The following FAF2 variants were observed in gnomAD, a reference collection of about 807,000 sequenced individuals.
FAF2 encodes Fas associated factor family member 2.
In FAF2, 9 loss-of-function variants were observed where a neutral mutation model predicts 62.3. The ratio of observed to expected loss-of-function variants is 0.14; its 90% CI spans 0.09 to 0.25. FAF2 has a LOEUF of 0.25. FAF2 is among the 10% of genes least tolerant of loss of function. The pLI, the probability that FAF2 is intolerant of heterozygous loss-of-function variation, is 1.00. For missense variants in FAF2, 368 were observed against 556.2 expected (o/e 0.66, Z 3.40); for synonymous variants, 202 against 198.0 (o/e 1.02, Z -0.17).
At chr5:176,458,271 G>A (rs1159966620) in intron 1 of FAF2, among the ~76,000 whole-genome samples, 4 of 151,680 alleles carry the variant, frequency 2.6e-5, no homozygotes, top group Middle Eastern at 3.2e-3. Flanking sequence ...TAGTAGAGAT[G>A]GGGTTTCGCC....
At chr5:176,501,827 C>T (rs1223461859) in intron 10 of FAF2, among the ~76,000 whole-genome samples, 3 of 152,206 alleles carry the variant, frequency 2.0e-5, no homozygotes, top group African/African-American at 4.8e-5. Context: ...TGTCGCAGCT[C>T]GCTGCAACCT....
chr5:176,476,129 G>A (rs148483798), intron 1 of FAF2, among the ~76,000 whole-genome samples: 47 of 152,184 alleles, frequency 3.1e-4, no homozygotes, highest in Non-Finnish European at 4.7e-4. Context: ...GTGTGGTGGC[G>A]CACACCTGTG....
At chr5:176,486,986 A>G (rs368443352) in intron 3 of FAF2, among the ~76,000 whole-genome samples, 37 of 152,222 alleles carry the variant, frequency 2.4e-4, no homozygotes, top group Non-Finnish European at 4.7e-4. Flanking sequence ...CTCACAGTCT[A>G]TTGAAGGAAG....
intron 8 of FAF2, among the ~76,000 whole-genome samples, chr5:176,498,297 A>G (rs1182142611): frequency 6.6e-6 from 1 of 152,232 alleles, no homozygotes; most frequent in East Asian, 1.9e-4. Context: ...TGAATTGTAC[A>G]TTTAAGATCT....
At chr5:176,453,604 G>C (rs901181742) in intron 1 of FAF2, 1 of 152,064 alleles carries the variant, frequency 6.6e-6, no homozygotes, top group Non-Finnish European at 1.5e-5. Context: ...ACATACAGTG[G>C]TCCATTTGAG....
intron 1 of FAF2, among the ~76,000 whole-genome samples, chr5:176,463,423 G>A (rs185092315): frequency 3.6e-4 from 55 of 151,528 alleles, no homozygotes; most frequent in Non-Finnish European, 2.2e-4. Flanking sequence ...AATTTATTTG[G>A]TTCCCCCAAA....
At chr5:176,460,550 GTGTA>G (rs1366509976) in intron 1 of FAF2, among the ~76,000 whole-genome samples, 1 of 149,238 alleles carries the variant, frequency 6.7e-6, no homozygotes, top group Non-Finnish European at 1.5e-5. Context: ...GTGTGTGTGT[GTGTA>G]TTTTTTTTTT....
At position 176,477,345 on chromosome 5, in the gene FAF2, C is replaced by T. The variant is rs191589186; in HGVS notation, c.64-1843C>T. 2.3e-3 allele frequency among the ~76,000 whole-genome samples: 355 copies of T among 151,694 alleles called. 4 individuals carry two copies. Among genetic ancestry groups the T allele is most frequent in the African/African-American group, 8.2e-3 (338 of 41,318 alleles). On this transcript the variant is annotated intron_variant, in intron 1 of 10. Transcript: ENST00000261942. ...CATGTGATCCGCCCACCTCAGCCTC[C>T]CAAAGTGCTGGGATTACAGGCGTGA...
At chr5:176,453,442 G>C (rs1376530506) in intron 1 of FAF2, 29 of 152,058 alleles carry the variant, frequency 1.9e-4, no homozygotes, top group Admixed American at 1.9e-3. Flanking sequence ...AGAAATTTAT[G>C]ACCCTCATCC....
At chr5:176,452,785 T>C (rs183935483) in intron 1 of FAF2, among the ~76,000 whole-genome samples, 1 of 152,312 alleles carries the variant, frequency 6.6e-6, no homozygotes, top group African/African-American at 2.4e-5. Context: ...GTTTAAACTT[T>C]AATCTGTAGA....
chr5:176,490,096 C>G (rs939513410), intron 4 of FAF2, among the ~76,000 whole-genome samples: 3 of 151,842 alleles, frequency 2.0e-5, no homozygotes, highest in African/African-American at 7.3e-5. Context: ...CGGATCACAA[C>G]GTCAGGAGAT....
intron 4 of FAF2, 27 bp downstream of exon 4, chr5:176,489,054 G>A (rs1187376526): frequency 5.7e-6 from 9 of 1,568,170 alleles, no homozygotes; most frequent in East Asian, 2.2e-5. Context: ...TTATGTATTA[G>A]TAGAATAGTA....
intron 1 of FAF2, among the ~76,000 whole-genome samples, chr5:176,460,156 C>T (rs2113718704): frequency 6.6e-6 from 1 of 152,220 alleles, no homozygotes; most frequent in Admixed American, 6.5e-5. Flanking sequence ...AGGTTGATTC[C>T]ATGTCTTTGC....
At chr5:176,496,096 C>A (rs1007401546) in intron 7 of FAF2, among the ~76,000 whole-genome samples, 2 of 152,160 alleles carry the variant, frequency 1.3e-5, no homozygotes, top group Non-Finnish European at 2.9e-5. Flanking sequence ...ATCATCACAA[C>A]AACCACACCG....
chr5:176,460,513 C>CGTGGGT (rs1758359053), intron 1 of FAF2, among the ~76,000 whole-genome samples: 1 of 132,626 alleles, frequency 7.5e-6, no homozygotes, highest in African/African-American at 2.8e-5. Flanking sequence ...TTTTTGGCCG[C>CGTGGGT]GTGTGTGTGT....
At chr5:176,462,483 G>A (rs1758394586) in intron 1 of FAF2, among the ~76,000 whole-genome samples, 1 of 151,878 alleles carries the variant, frequency 6.6e-6, no homozygotes. Flanking sequence ...AATTAGCCGG[G>A]CGTGGTGGCG....
chr5:176,472,801 T>C (rs1322987848), intron 1 of FAF2, among the ~76,000 whole-genome samples: 1 of 149,572 alleles, frequency 6.7e-6, no homozygotes, highest in Non-Finnish European at 1.5e-5. Flanking sequence ...ACAGGTAAAA[T>C]GGAAAAATAT....
At chr5:176,479,347 A>G in intron 2 of FAF2, 91 bp downstream of exon 2, 4 of 1,030,066 alleles carry the variant, frequency 3.9e-6, no homozygotes, top group Non-Finnish European at 6.0e-6. Flanking sequence ...GAATCTTTTC[A>G]GTAGATTTTT....
chr5:176,482,327 C>T (rs1758794541), intron 2 of FAF2, among the ~76,000 whole-genome samples: 1 of 149,534 alleles, frequency 6.7e-6, no homozygotes, highest in Admixed American at 6.7e-5. Flanking sequence ...AAATAATTTT[C>T]CTGCCTCAGC....
Sources: allele counts gnomAD v4.1 joint callset (sites outside exome capture counted in the v4.1 genomes callset), GRCh38; gene constraint gnomAD v4.1.1; transcripts MANE v1.5; gene names NCBI Gene and HGNC (gene_info 2026-07-23, HGNC 2026-07-21).